The following EIF3H variants were observed in gnomAD, a reference collection of about 807,000 sequenced individuals.
EIF3H encodes the protein eukaryotic translation initiation factor 3 subunit H.
A neutral mutation model predicts 44.2 loss-of-function variants in EIF3H; 26 were observed. The ratio of observed to expected loss-of-function variants is 0.59; its 90% confidence interval spans 0.43 to 0.82. The LOEUF is 0.82. Ranked by LOEUF, EIF3H falls within the 40% of genes least tolerant of loss-of-function variation. The pLI is 0.00. For synonymous variants in EIF3H, 166 were observed against 151.9 expected, an observed-to-expected ratio of 1.09 and a Z score of -0.68; for missense variants, 359 against 432.8, an observed-to-expected ratio of 0.83 and a Z score of 1.51.
chr8:116,689,143 T>C (rs1014466993), intron 2 of EIF3H: 3 of 438,940 alleles, frequency 6.8e-6, no homozygotes, highest in African/African-American at 6.1e-5. Context: ...GAATGAACCT[T>C]GAAAAGATCA....
intron 1 of EIF3H, among the ~76,000 whole-genome samples, chr8:116,727,913 T>C (rs968116161): frequency 1.3e-5 from 2 of 152,176 alleles, no homozygotes; most frequent in Admixed American, 1.3e-4. Flanking sequence ...CTATATGGTA[T>C]TATACTGTGA....
In EIF3H at chr8:116,687,807, G is replaced by A. The variant is rs1814101515; in HGVS notation, c.290-28827C>T. 2.0e-5 allele frequency among the ~76,000 whole-genome samples: 3 copies of A among 152,058 alleles called. No homozygotes were observed. In the South Asian group the frequency reaches 6.2e-4, roughly 31 times the overall value. On this transcript the variant is annotated intron_variant, in intron 2 of 7. Transcript: ENST00000521861. ...GATACTTAGAAACAGCATCATGAAA[G>A]CAATCATTCATTTAAATAAGCAACC...
At chr8:116,658,340 T>C (rs1178196787) in intron 3 of EIF3H, 1 of 152,554 alleles carries the variant, frequency 6.6e-6, no homozygotes, top group African/African-American at 2.4e-5. Flanking sequence ...ACAGAACATC[T>C]GGTCTGGAGA....
At position 116,650,718 on chromosome 8, in the gene EIF3H, A is replaced by G. The variant is rs182236939; in HGVS notation, c.708-1792T>C. Among the ~76,000 whole-genome samples, 557 of 152,228 alleles carry G rather than the reference A, an allele frequency of 3.7e-3. 3 individuals are homozygous for G. The highest frequency in any genetic ancestry group is 0.013 in the African/African-American group (546 of 41,544). ...TTTCACTCATCATCCAGGCTGGTGC[A>G]GTGGGGCGACCTCCACCTCCCGGGT... On this transcript the variant is annotated intron_variant, in intron 5 of 7. Coordinates refer to ENST00000521861, the MANE Select transcript of EIF3H (RefSeq NM_003756.3).
intron 5 of EIF3H, among the ~76,000 whole-genome samples, chr8:116,649,745 C>T (rs1020446287): frequency 6.6e-6 from 1 of 152,136 alleles, no homozygotes; most frequent in Non-Finnish European, 1.5e-5. Context: ...GTGAATAAGA[C>T]ATACATGTTC....
chr8:116,715,681 G>C, intron 2 of EIF3H, among the ~76,000 whole-genome samples: 1 of 152,088 alleles, frequency 6.6e-6, no homozygotes, highest in East Asian at 1.9e-4. Context: ...AAGCAAGGCA[G>C]TGAGTTATTG....
intron 2 of EIF3H, among the ~76,000 whole-genome samples, chr8:116,707,591 C>T (rs1814492725): frequency 6.6e-6 from 1 of 151,974 alleles, no homozygotes; most frequent in Non-Finnish European, 1.5e-5. Flanking sequence ...CAGTCAAGCC[C>T]CTAAAACATG....
chr8:116,751,936 C>T lies in EIF3H; in HGVS notation c.132+3730G>A, dbSNP rs140752532. Among the ~76,000 whole-genome samples the T allele has an allele frequency of 4.3e-3, 660 of 152,254 alleles. 16 individuals carry two copies. The highest frequency in any genetic ancestry group is 0.038 in the Admixed American group (587 of 15,294). On this transcript the variant is annotated intron_variant, in intron 1 of 7. Transcript: ENST00000521861. ...TGGGATTCAAATCCAAGCAGTCTGG[C>T]TCCAGAGCATGTACTTTTATCAACT...
intron 5 of EIF3H, among the ~76,000 whole-genome samples, chr8:116,654,282 T>G (rs1813451455): frequency 6.6e-6 from 1 of 152,226 alleles, no homozygotes; most frequent in Non-Finnish European, 1.5e-5. Flanking sequence ...AGGTCTCAGT[T>G]GCTAGGGCAA....
chr8:116,645,230 A>G, intron 7 of EIF3H, 127 bp from the exon 8 acceptor site: 1 of 690,646 alleles, frequency 1.4e-6, no homozygotes, highest in Non-Finnish European at 2.5e-6. Context: ...TCCAGAGTTT[A>G]TTTTTCCATA....
chr8:116,664,528 T>TA (rs1051735684), intron 2 of EIF3H, among the ~76,000 whole-genome samples: 11 of 152,316 alleles, frequency 7.2e-5, no homozygotes, highest in African/African-American at 2.4e-4. Context: ...TCCTCATTTT[T>TA]AAAAAATCAT....
intron 2 of EIF3H, among the ~76,000 whole-genome samples, chr8:116,713,534 C>A (rs780743800): frequency 1.3e-5 from 2 of 152,040 alleles, no homozygotes; most frequent in Non-Finnish European, 2.9e-5. Flanking sequence ...TTTGTTCCTA[C>A]TATTGTATTT....
At chr8:116,661,812 AC>A (rs1183984859) in intron 2 of EIF3H, among the ~76,000 whole-genome samples, 1 of 152,180 alleles carries the variant, frequency 6.6e-6, no homozygotes, top group Non-Finnish European at 1.5e-5. Flanking sequence ...CCAGAGTCTT[AC>A]CTATTCTACA....
chr8:116,718,353 A>T (rs1369931682), intron 2 of EIF3H, among the ~76,000 whole-genome samples: 1 of 152,192 alleles, frequency 6.6e-6, no homozygotes, highest in Admixed American at 6.6e-5. Context: ...TTGATCCAGC[A>T]ATTCCATTCC....
At chr8:116,745,718 G>C (rs1038012431) in intron 1 of EIF3H, among the ~76,000 whole-genome samples, 1 of 152,084 alleles carries the variant, frequency 6.6e-6, no homozygotes, top group African/African-American at 2.4e-5. Context: ...ATTGCTTGAG[G>C]CCGGGAGTTC....
At chr8:116,706,887 A>C (rs1448437941) in intron 2 of EIF3H, among the ~76,000 whole-genome samples, 3 of 152,180 alleles carry the variant, frequency 2.0e-5, no homozygotes, top group African/African-American at 7.2e-5. Flanking sequence ...ATGATTTTGC[A>C]CAACTGTAGG....
intron 2 of EIF3H, among the ~76,000 whole-genome samples, chr8:116,672,502 A>G (rs747651329): frequency 1.5e-4 from 23 of 152,084 alleles, no homozygotes; most frequent in Non-Finnish European, 2.5e-4. Flanking sequence ...AGTCCTAGCT[A>G]TTCAGGAGAA....
intron 1 of EIF3H, among the ~76,000 whole-genome samples, chr8:116,731,450 G>A (rs919926660): frequency 3.3e-5 from 5 of 152,094 alleles, no homozygotes; most frequent in African/African-American, 7.2e-5. Flanking sequence ...GCTTTCCTTT[G>A]TTTTTGTTTT....
At chr8:116,715,825 T>C (rs1233791350) in intron 2 of EIF3H, among the ~76,000 whole-genome samples, 2 of 152,094 alleles carry the variant, frequency 1.3e-5, no homozygotes, top group Admixed American at 6.6e-5. Flanking sequence ...AGAAAACAAA[T>C]TAGTCTCCAG....
Sources: gnomAD v4.1 joint callset for allele counts (sites outside exome capture counted in the v4.1 genomes callset) on GRCh38, gnomAD v4.1.1 for gene constraint, MANE v1.5 for transcripts, NCBI Gene and HGNC (gene_info 2026-07-23, HGNC 2026-07-21) for gene names.